The following RNGTT variants were observed in gnomAD, a reference collection of about 807,000 sequenced individuals.
RNGTT encodes mRNA-capping enzyme.
Under a neutral mutation model 79.3 loss-of-function variants are expected in RNGTT, and 33 were observed. The observed-to-expected ratio is 0.42, with a 90% CI of 0.32 to 0.56. The LOEUF is 0.56. Among genes scored for constraint, RNGTT ranks in the 20% least tolerant of loss-of-function variants. RNGTT has a pLI of 0.17. For missense variants in RNGTT, 497 were observed against 739.1 expected (o/e 0.67, Z 3.80); for synonymous variants, 222 against 235.9 (o/e 0.94, Z 0.54).
chr6:88,844,418 T>C lies in RNGTT; in HGVS notation c.1208A>G (p.Lys403Arg), dbSNP rs201214592. 405 of 1,614,128 alleles carry C rather than the reference T, an allele frequency of 2.5e-4. No individual in the cohort carries two copies. Among genetic ancestry groups the C allele is most frequent in the Non-Finnish European group, 3.1e-4 (371 of 1,179,980 alleles). The change falls in exon 11 of 16, where the codon AAA (lysine) becomes AGA (arginine). Residue 403 changes from lysine (K) to arginine (R), a missense_variant. Transcript: ENST00000369485. ...HEKMKTGLIDKTQEPFSVRNK... is the reference protein window; with the variant it reads ...HEKMKTGLIDRTQEPFSVRNK... Reference sequence around the variant, plus strand: ...TCTGACGCTAAATGGTTCCTGTGTTTTGTCAATGAGCCCAGTCTTCATTTT... The same window carrying C: ...TCTGACGCTAAATGGTTCCTGTGTTCTGTCAATGAGCCCAGTCTTCATTTT...
rs1562169819 is a variant in RNGTT, at chr6:88,648,470, T to TAA, written c.1506+29882_1506+29883insTT. Among the ~76,000 whole-genome samples, 283 of 144,140 alleles carry TAA rather than the reference T, an allele frequency of 2.0e-3. 3 individuals are homozygous for TAA. Among genetic ancestry groups the TAA allele is most frequent in the African/African-American group, 7.6e-3 (277 of 36,582 alleles). The allele number at this position is 144,140 out of a possible 152,430, so 94.6% of individuals were successfully genotyped here. ...CACATGTACCCTAAAACTTAAAGTA[T>TAA]TATAATAATAATAATAATAATAATA... is the stretch of plus-strand genomic sequence containing the variant. On this transcript the variant is annotated intron_variant, in intron 14 of 15. Coordinates refer to ENST00000369485, the MANE Select transcript of RNGTT (RefSeq NM_003800.5).
chr6:88,648,749 T>C (rs1773680790), intron 14 of RNGTT, among the ~76,000 whole-genome samples: 1 of 152,212 alleles, frequency 6.6e-6, no homozygotes, highest in Non-Finnish European at 1.5e-5. Context: ...CCTTTGTGAA[T>C]CCTACCTCAA....
intron 4 of RNGTT, among the ~76,000 whole-genome samples, chr6:88,917,110 G>A (rs9344887): frequency 0.041 from 6,256 of 152,186 alleles, 191 homozygotes; most frequent in African/African-American, 0.077. Flanking sequence ...CTAAGAAACC[G>A]GATTTGTCAG....
At chr6:88,866,661 C>A (rs1782175788) in intron 8 of RNGTT, among the ~76,000 whole-genome samples, 1 of 152,128 alleles carries the variant, frequency 6.6e-6, no homozygotes, top group Non-Finnish European at 1.5e-5. Context: ...CAGACACATT[C>A]AAATAAATCA....
intron 8 of RNGTT, among the ~76,000 whole-genome samples, chr6:88,884,452 T>C (rs574691388): frequency 2.0e-5 from 3 of 152,240 alleles, no homozygotes; most frequent in African/African-American, 4.8e-5. Flanking sequence ...GAAAAGTGCA[T>C]CTGCTCATCT....
intron 8 of RNGTT, among the ~76,000 whole-genome samples, chr6:88,866,020 T>C (rs1245538832): frequency 1.3e-5 from 2 of 152,192 alleles, no homozygotes; most frequent in African/African-American, 2.4e-5. Context: ...AAAAATTGAC[T>C]GATAAAGTCT....
At chr6:88,953,079 A>G (rs1259243292) in intron 1 of RNGTT, among the ~76,000 whole-genome samples, 3 of 152,232 alleles carry the variant, frequency 2.0e-5, no homozygotes, top group Admixed American at 1.3e-4. Flanking sequence ...AAACGCCCCA[A>G]AAATCATACT....
At chr6:88,690,873 T>TA (rs922208751) in intron 13 of RNGTT, among the ~76,000 whole-genome samples, 1 of 152,158 alleles carries the variant, frequency 6.6e-6, no homozygotes, top group African/African-American at 2.4e-5. Flanking sequence ...ACATGTGTCC[T>TA]AAAGTACATG....
At chr6:88,678,242 C>A (rs1158755883) in intron 14 of RNGTT, 111 bp downstream of exon 14, 6 of 1,441,382 alleles carry the variant, frequency 4.2e-6, no homozygotes, top group Non-Finnish European at 5.5e-6. Context: ...CTTAGCCTCC[C>A]AAAGTGCTGG....
At chr6:88,815,030 G>A (rs967257833) in intron 11 of RNGTT, among the ~76,000 whole-genome samples, 1 of 152,132 alleles carries the variant, frequency 6.6e-6, no homozygotes, top group Admixed American at 6.5e-5. Flanking sequence ...AAGAGTACCT[G>A]GAGTCACTGG....
chr6:88,860,912 C>T (rs1473874389), intron 8 of RNGTT, among the ~76,000 whole-genome samples: 1 of 151,610 alleles, frequency 6.6e-6, no homozygotes, highest in African/African-American at 2.4e-5. Context: ...GTTTAATGTG[C>T]CTATGATGAA....
chr6:88,814,626 AT>A (rs1446703348), intron 11 of RNGTT, among the ~76,000 whole-genome samples: 1 of 152,200 alleles, frequency 6.6e-6, no homozygotes, highest in Non-Finnish European at 1.5e-5. Context: ...TGTTTTGTGG[AT>A]AGAAAAGCAT....
In RNGTT at chr6:88,647,605, A is replaced by G. The variant is rs555570375; in HGVS notation, c.1506+30748T>C. Among the ~76,000 whole-genome samples, 460 of 149,934 alleles carry G rather than the reference A, an allele frequency of 3.1e-3. 6 individuals are homozygous for G. The highest frequency in any genetic ancestry group is 0.011 in the African/African-American group (430 of 39,766). On this transcript the variant is annotated intron_variant, in intron 14 of 15. Transcript: ENST00000369485. The stretch of plus-strand genomic sequence containing the variant: ...CATGCACCTGTAGTCCCAGCTACTC[A>G]GGAGGCTGAGGTAGGAGGATCACTT...
intron 6 of RNGTT, among the ~76,000 whole-genome samples, chr6:88,899,929 A>G (rs933783940): frequency 9.8e-5 from 15 of 152,326 alleles, no homozygotes; most frequent in Admixed American, 2.6e-4. Flanking sequence ...TAGGAATAAG[A>G]GCAGAGCAAA....
intron 6 of RNGTT, among the ~76,000 whole-genome samples, chr6:88,901,431 G>A (rs1401483656): frequency 4.7e-5 from 6 of 128,726 alleles, no homozygotes; most frequent in Admixed American, 4.0e-4. Flanking sequence ...CTTCTCAACA[G>A]AAATAAATTC....
At chr6:88,922,534 A>AT (rs1023087610) in intron 4 of RNGTT, among the ~76,000 whole-genome samples, 14 of 148,614 alleles carry the variant, frequency 9.4e-5, no homozygotes, top group Middle Eastern at 3.5e-3. Flanking sequence ...TTAAAAAAAA[A>AT]TTTTTTTTTT....
intron 13 of RNGTT, among the ~76,000 whole-genome samples, chr6:88,699,743 GA>G (rs1775882418): frequency 1.3e-5 from 2 of 152,224 alleles, no homozygotes; most frequent in South Asian, 4.1e-4. Context: ...GCCTTAAAAG[GA>G]ATGACATTCT....
chr6:88,936,173 C>A (rs1263967438), intron 2 of RNGTT, among the ~76,000 whole-genome samples: 3 of 152,158 alleles, frequency 2.0e-5, no homozygotes, highest in African/African-American at 7.2e-5. Context: ...CTAAAGCAAA[C>A]CTCCCACCTT....
At chr6:88,794,179 C>A (rs1337633750) in intron 12 of RNGTT, among the ~76,000 whole-genome samples, 1 of 152,142 alleles carries the variant, frequency 6.6e-6, no homozygotes, top group Admixed American at 6.5e-5. Flanking sequence ...AGAGACCACT[C>A]CTAACCCACT....
Sources: gnomAD v4.1 joint callset for allele counts (sites outside exome capture counted in the v4.1 genomes callset) on GRCh38, gnomAD v4.1.1 for gene constraint, MANE v1.5 for transcripts, NCBI Gene and HGNC (gene_info 2026-07-23, HGNC 2026-07-21) for gene names.